The following POU6F2 variants were observed in gnomAD, a reference collection of about 807,000 sequenced individuals.
POU6F2 encodes the protein POU class 6 homeobox 2, also known as POU domain, class 6, transcription factor 2.
POU6F2 carries 31 observed loss-of-function variants against 71.3 expected under a neutral mutation model. That is an observed-to-expected ratio of 0.43 (90% CI 0.33 to 0.59). POU6F2 has a LOEUF of 0.59. Among genes scored for constraint, POU6F2 ranks in the 20% least tolerant of loss-of-function variants. The probability of loss-of-function intolerance (pLI) is 0.04; values close to 1 mark genes in which losing one functional copy is unlikely to be tolerated. For synonymous variants in POU6F2, 347 were observed against 355.7 expected, an observed-to-expected ratio of 0.98 and a Z score of 0.27; for missense variants, 783 against 856.8, an observed-to-expected ratio of 0.91 and a Z score of 1.07.
intron 2 of POU6F2, among the ~76,000 whole-genome samples, chr7:39,156,507 A>G (rs982286434): frequency 2.6e-5 from 4 of 152,210 alleles, no homozygotes; most frequent in Non-Finnish European, 5.9e-5. Flanking sequence ...GAATGCTGTT[A>G]TAATTGCTCC....
intron 1 of POU6F2, among the ~76,000 whole-genome samples, chr7:38,990,058 A>C (rs1312520204): frequency 6.6e-6 from 1 of 152,014 alleles, no homozygotes; most frequent in African/African-American, 2.4e-5. Flanking sequence ...AATTCCACTT[A>C]TTTGCAAGAT....
chr7:39,023,207 T>G (rs1054839910), intron 1 of POU6F2, among the ~76,000 whole-genome samples: 37 of 152,244 alleles, frequency 2.4e-4, no homozygotes, highest in Admixed American at 2.3e-3. Context: ...ATAATTGTTT[T>G]GCAGGAATTT....
intron 6 of POU6F2, among the ~76,000 whole-genome samples, 166 bp downstream of exon 6, chr7:39,406,906 A>G (rs1450055043): frequency 3.9e-5 from 6 of 152,170 alleles, no homozygotes. Flanking sequence ...AGGTGTTTCT[A>G]TGTTTTAGAA....
chr7:39,084,722 A>AG (rs1791198568), intron 1 of POU6F2, among the ~76,000 whole-genome samples: 1 of 152,150 alleles, frequency 6.6e-6, no homozygotes, highest in Non-Finnish European at 1.5e-5. Flanking sequence ...TTAAAAAAAA[A>AG]TAAAACACAG....
At chr7:39,275,562 A>T (rs1240323529) in intron 4 of POU6F2, among the ~76,000 whole-genome samples, 3 of 152,224 alleles carry the variant, frequency 2.0e-5, no homozygotes, top group Non-Finnish European at 2.9e-5. Flanking sequence ...TTTAAAGTTC[A>T]TATGGAAACA....
intron 4 of POU6F2, among the ~76,000 whole-genome samples, chr7:39,299,228 C>T (rs931903026): frequency 6.6e-6 from 1 of 152,150 alleles, no homozygotes; most frequent in Non-Finnish European, 1.5e-5. Flanking sequence ...AAACTACCCT[C>T]ACCTGCTTTT....
intron 4 of POU6F2, among the ~76,000 whole-genome samples, chr7:39,300,085 T>C (rs4130698): frequency 0.46 from 69,547 of 152,002 alleles, 16,743 homozygotes; most frequent in Admixed American, 0.59. Flanking sequence ...CACCATATAC[T>C]GTATTTTCCA....
At chr7:39,237,077 C>T (rs1176674736) in intron 4 of POU6F2, among the ~76,000 whole-genome samples, 2 of 152,148 alleles carry the variant, frequency 1.3e-5, no homozygotes, top group East Asian at 3.9e-4. Flanking sequence ...CACACAGAAG[C>T]ACTTCAACAT....
intron 2 of POU6F2, among the ~76,000 whole-genome samples, chr7:39,161,751 C>T (rs750042762): frequency 1.2e-4 from 19 of 152,006 alleles, no homozygotes; most frequent in Non-Finnish European, 2.5e-4. Flanking sequence ...GGAAGAACAT[C>T]CGGAGACAGA....
At chr7:39,337,024 C>T (rs1785792573) in intron 4 of POU6F2, among the ~76,000 whole-genome samples, 1 of 152,126 alleles carries the variant, frequency 6.6e-6, no homozygotes, top group East Asian at 1.9e-4. Flanking sequence ...AATTCTGCTA[C>T]CTCTGATGAT....
chr7:39,329,428 G>A (rs1194352031), intron 4 of POU6F2, among the ~76,000 whole-genome samples: 2 of 151,840 alleles, frequency 1.3e-5, no homozygotes, highest in Non-Finnish European at 2.9e-5. Flanking sequence ...CTTTAACATG[G>A]CCTGTTACAT....
intron 1 of POU6F2, among the ~76,000 whole-genome samples, chr7:39,021,543 C>G (rs1048506327): frequency 1.3e-5 from 2 of 151,834 alleles, no homozygotes; most frequent in Non-Finnish European, 2.9e-5. Context: ...TTTTTTCTTT[C>G]AAGAATTCTT....
At chr7:39,354,004 A>ACGCTGATC (rs1205046132) in intron 5 of POU6F2, among the ~76,000 whole-genome samples, 1 of 152,106 alleles carries the variant, frequency 6.6e-6, no homozygotes, top group Admixed American at 6.5e-5. Flanking sequence ...AGCTGGCTTT[A>ACGCTGATC]CGCTGATCCG....
In POU6F2 at chr7:39,460,846, T is replaced by C; in HGVS notation, c.1658+131T>C. 2.6e-6 allele frequency: 3 copies of C among 1,136,732 alleles called. No individual in the cohort carries two copies. The highest frequency in any genetic ancestry group is 2.4e-6 in the Non-Finnish European group (2 of 835,212). 70.4% of individuals were successfully genotyped at this position (1,136,732 alleles called of 1,614,324 possible). On this transcript the variant is annotated intron_variant, in intron 9 of 9. Transcript: ENST00000518318. This position sits in a 1 kb window ranked among gnomAD's most constrained non-coding sequence, Gnocchi z 4.4. ...AGTGGGAACAAAGTTTGGGGGCAGC[T>C]ATATGTTGGGATTGGTGATCTTGAT...
chr7:39,177,064 C>A (rs1793346596), intron 2 of POU6F2, among the ~76,000 whole-genome samples: 1 of 152,190 alleles, frequency 6.6e-6, no homozygotes, highest in South Asian at 2.1e-4. Context: ...TCTTCAAACA[C>A]AATGCATAGT....
At chr7:39,078,072 C>T (rs1225407840) in intron 1 of POU6F2, among the ~76,000 whole-genome samples, 1 of 152,160 alleles carries the variant, frequency 6.6e-6, no homozygotes, top group Admixed American at 6.5e-5. Flanking sequence ...TGAGGGTTTG[C>T]TACATCGTCC....
At chr7:39,269,290 A>T (rs1407672400) in intron 4 of POU6F2, among the ~76,000 whole-genome samples, 1 of 152,214 alleles carries the variant, frequency 6.6e-6, no homozygotes, top group Non-Finnish European at 1.5e-5. Flanking sequence ...AGCCAGGTGC[A>T]GCATCAGCCA....
At chr7:38,999,341 T>G (rs1483298196) in intron 1 of POU6F2, among the ~76,000 whole-genome samples, 1 of 152,122 alleles carries the variant, frequency 6.6e-6, no homozygotes, top group African/African-American at 2.4e-5. Context: ...CAATAAAGAT[T>G]TGTCAAGTGT....
chr7:39,185,883 ATATT>A (rs1793530085), intron 2 of POU6F2, among the ~76,000 whole-genome samples: 3 of 148,696 alleles, frequency 2.0e-5, no homozygotes, highest in African/African-American at 7.4e-5. Context: ...GTATATGTAT[ATATT>A]TATATGTATA....
Sources: allele counts gnomAD v4.1 joint callset (sites outside exome capture counted in the v4.1 genomes callset), GRCh38; gene constraint gnomAD v4.1.1; non-coding constraint Gnocchi (gnomAD v3.1); transcripts MANE v1.5; gene names NCBI Gene and HGNC (gene_info 2026-07-23, HGNC 2026-07-21).